Variants in FIGN observed in about 807,000 individuals in gnomAD.
FIGN encodes the protein fidgetin.
A neutral mutation model predicts 51.3 loss-of-function variants in FIGN; 11 were observed. The observed-to-expected ratio is 0.21, with a 90% CI of 0.13 to 0.35. FIGN has a LOEUF of 0.35. Among genes scored for constraint, FIGN ranks in the 10% least tolerant of loss-of-function variants. The probability of loss-of-function intolerance (pLI) is 1.00; values close to 1 mark genes in which losing one functional copy is unlikely to be tolerated. For missense variants in FIGN, 857 were observed against 943.6 expected, an observed-to-expected ratio of 0.91 and a Z score of 1.20; for synonymous variants, 407 against 363.2, an observed-to-expected ratio of 1.12 and a Z score of -1.37.
chr2:163,728,048 G>T (rs183533320), intron 2 of FIGN, among the ~76,000 whole-genome samples: 1 of 152,080 alleles, frequency 6.6e-6, no homozygotes, highest in Admixed American at 6.5e-5. Context: ...TAGTGTTACC[G>T]CATGAAATGG....
intron 2 of FIGN, among the ~76,000 whole-genome samples, chr2:163,655,757 T>TA (rs1683548800): frequency 6.7e-6 from 1 of 150,188 alleles, no homozygotes; most frequent in South Asian, 2.1e-4. Context: ...GAACATCCAC[T>TA]ACACTACATA....
At chr2:163,625,146 A>G (rs1236412476) in intron 2 of FIGN, among the ~76,000 whole-genome samples, 2 of 152,050 alleles carry the variant, frequency 1.3e-5, no homozygotes, top group African/African-American at 4.8e-5. Flanking sequence ...TTTATGACTG[A>G]TAATTGATAT....
intron 2 of FIGN, among the ~76,000 whole-genome samples, chr2:163,715,452 G>A (rs937642322): frequency 2.6e-5 from 4 of 152,118 alleles, no homozygotes; most frequent in East Asian, 1.9e-4. Flanking sequence ...AGTGACTGTC[G>A]CAAGATTCAG....
intron 2 of FIGN, chr2:163,612,419 A>T (rs1361286653): frequency 1.2e-5 from 12 of 985,172 alleles, no homozygotes; most frequent in Non-Finnish European, 1.4e-5. Flanking sequence ...TCATTCCATA[A>T]TCCAACTCTC....
intron 2 of FIGN, among the ~76,000 whole-genome samples, chr2:163,643,891 C>T (rs1683342413): frequency 7.7e-6 from 1 of 130,494 alleles, no homozygotes; most frequent in Non-Finnish European, 1.6e-5. Flanking sequence ...GAGATCACAC[C>T]CCTGCACTCC....
intron 2 of FIGN, among the ~76,000 whole-genome samples, chr2:163,658,330 A>G (rs1225725386): frequency 6.6e-6 from 1 of 151,240 alleles, no homozygotes; most frequent in Non-Finnish European, 1.5e-5. Flanking sequence ...CTGGCTGATA[A>G]CATCCAGTTA....
At chr2:163,723,548 T>C (rs1250720707) in intron 2 of FIGN, among the ~76,000 whole-genome samples, 1 of 152,144 alleles carries the variant, frequency 6.6e-6, no homozygotes, top group African/African-American at 2.4e-5. Context: ...ATGCAACAAC[T>C]GACCTGGATA....
At chr2:163,664,383 T>A (rs1683740229) in intron 2 of FIGN, among the ~76,000 whole-genome samples, 1 of 152,238 alleles carries the variant, frequency 6.6e-6, no homozygotes, top group African/African-American at 2.4e-5. Context: ...TAGACTTACA[T>A]ACCTGAAAGG....
intron 2 of FIGN, among the ~76,000 whole-genome samples, chr2:163,628,547 C>T (rs546726772): frequency 6.6e-6 from 1 of 152,222 alleles, no homozygotes; most frequent in Admixed American, 6.5e-5. Flanking sequence ...AAGTGCTGCT[C>T]TGATTTGTTC....
intron 2 of FIGN, among the ~76,000 whole-genome samples, chr2:163,728,571 T>C (rs563940825): frequency 1.5e-4 from 23 of 152,316 alleles, no homozygotes; most frequent in African/African-American, 5.5e-4. Flanking sequence ...AGATACTTAA[T>C]GGTTCATTTC....
chr2:163,655,804 C>CACACACACACACACACACACAGAG (rs374458554), intron 2 of FIGN, among the ~76,000 whole-genome samples: 1 of 145,780 alleles, frequency 6.9e-6, no homozygotes, highest in Non-Finnish European at 1.5e-5. Context: ...CACACACACA[C>CACACACACACACACACACACAGAG]AGAGAGAGAG....
chr2:163,725,313 G>C (rs779200749), intron 2 of FIGN, among the ~76,000 whole-genome samples: 3 of 152,144 alleles, frequency 2.0e-5, no homozygotes, highest in Non-Finnish European at 2.9e-5. Context: ...TACACAGCTA[G>C]GTAGGTAGGA....
rs74997630 is a variant in FIGN at position 163,617,149 on chromosome 2, C to T, written c.26-5343G>A. 1,689 of 985,052 alleles carry T rather than the reference C, an allele frequency of 1.7e-3. 23 individuals carry two copies. The African/African-American group carries it at 0.027, about 16-fold the overall frequency. 61.0% of individuals were successfully genotyped at this position (985,052 alleles called of 1,614,324 possible). Reference sequence around the variant, plus strand: ...CTGGAAATTTCTTCAGCCCATTCCCCGATCATTCTTGGCTTTAAAATATGG... The same window carrying T: ...CTGGAAATTTCTTCAGCCCATTCCCTGATCATTCTTGGCTTTAAAATATGG... On this transcript the variant is annotated intron_variant, in intron 2 of 2. Transcript: ENST00000333129.
intron 2 of FIGN, among the ~76,000 whole-genome samples, chr2:163,685,752 G>A (rs1380890): frequency 1 from 151,944 of 152,320 alleles, 75,793 homozygotes; most frequent in Middle Eastern, 1. Context: ...ATGCAATACA[G>A]TGTTACTGGA....
chr2:163,675,098 T>G (rs1013777385), intron 2 of FIGN, among the ~76,000 whole-genome samples: 7 of 152,212 alleles, frequency 4.6e-5, no homozygotes, highest in African/African-American at 1.7e-4. Context: ...ATTTTTTCCA[T>G]GCCACATTTG....
At chr2:163,733,659 A>C (rs1218036585) in intron 2 of FIGN, among the ~76,000 whole-genome samples, 4 of 152,238 alleles carry the variant, frequency 2.6e-5, no homozygotes, top group Non-Finnish European at 4.4e-5. Context: ...AAAGTCAACA[A>C]GTTCCAAATG....
chr2:163,733,346 T>C (rs1684961501), intron 2 of FIGN, among the ~76,000 whole-genome samples: 1 of 152,188 alleles, frequency 6.6e-6, no homozygotes. Flanking sequence ...TAGTACTACC[T>C]AGAAATCACA....
At chr2:163,672,320 A>T (rs1683889525) in intron 2 of FIGN, among the ~76,000 whole-genome samples, 1 of 152,018 alleles carries the variant, frequency 6.6e-6, no homozygotes, top group Admixed American at 6.6e-5. Context: ...GCTAAGATTT[A>T]CTGAGGAAAC....
At chr2:163,648,823 A>C (rs1683424560) in intron 2 of FIGN, among the ~76,000 whole-genome samples, 1 of 152,192 alleles carries the variant, frequency 6.6e-6, no homozygotes, top group Non-Finnish European at 1.5e-5. Context: ...TTTTTACTCC[A>C]GTAACTTTTA....
Sources: gnomAD v4.1 joint callset for allele counts (sites outside exome capture counted in the v4.1 genomes callset) on GRCh38, gnomAD v4.1.1 for gene constraint, MANE v1.5 for transcripts, NCBI Gene and HGNC (gene_info 2026-07-23, HGNC 2026-07-21) for gene names.